The following RGL1 variants were observed in gnomAD, a reference collection of about 807,000 sequenced individuals.
RGL1 encodes ral guanine nucleotide dissociation stimulator like 1, also known as ral guanine nucleotide dissociation stimulator-like 1.
A neutral mutation model predicts 95.2 loss-of-function variants in RGL1; 24 were observed. That is an observed-to-expected ratio of 0.25 (90% CI 0.18 to 0.35). RGL1 has a LOEUF of 0.35. Among genes scored for constraint, RGL1 ranks in the 10% least tolerant of loss-of-function variants. The pLI is 1.00. For missense variants in RGL1, 715 were observed against 936.3 expected (o/e 0.76, Z 3.08); for synonymous variants, 329 against 344.9 (o/e 0.95, Z 0.51).
In RGL1 at chr1:183,834,830, A is replaced by G. The variant is rs79866452; in HGVS notation, c.139-12736A>G. 5.0e-3 allele frequency among the ~76,000 whole-genome samples: 765 copies of G among 152,170 alleles called. 17 individuals carry two copies. The East Asian group carries it at 0.07, about 14-fold the overall frequency. On this transcript the variant is annotated intron_variant, in intron 2 of 17. Coordinates refer to ENST00000360851, the MANE Select transcript of RGL1 (RefSeq NM_001297671.3). ...CAGCCTCCCAAGTAGCTAGGCACATATCACCACACCCAGGCTAATTTTCTA... is the reference window on the plus strand; with the variant it reads ...CAGCCTCCCAAGTAGCTAGGCACATGTCACCACACCCAGGCTAATTTTCTA...
chr1:183,660,298 G>T (rs1197654458), intron 1 of RGL1, among the ~76,000 whole-genome samples: 1 of 152,106 alleles, frequency 6.6e-6, no homozygotes, highest in Non-Finnish European at 1.5e-5. Flanking sequence ...TCAGTGTGCT[G>T]TATTCAGGAA....
Position 183,922,305 on chromosome 1 carries a change from C to T in RGL1, c.2088C>T (p.Tyr696=), listed in dbSNP as rs144638395. ...HNLDSDPAEE[Y]ELVQVISEDK... ...TGGACTCAGACCCCGCCGAGGAGTACGAGCTGGTGCAGGTCATCTCGGAGG... is the reference window on the plus strand; with the variant it reads ...TGGACTCAGACCCCGCCGAGGAGTATGAGCTGGTGCAGGTCATCTCGGAGG... Residue 696 remains tyrosine, a synonymous_variant, in exon 17 of 18, where the codon TAC becomes TAT. Coordinates refer to ENST00000360851, the MANE Select transcript of RGL1 (RefSeq NM_001297671.3). The T allele has an allele frequency of 1.3e-5, 21 of 1,613,984 alleles. No homozygotes were observed. The highest frequency in any genetic ancestry group is 3.3e-4 in the Middle Eastern group (2 of 6,062).
In RGL1 at chr1:183,805,162, G is replaced by A; in HGVS notation, c.-136G>A. ...CACCGGCGGCGGCGGGGGCAGCGCG[G>A]CGCGTGTCTGTGCGCTGCGGTCGCT... On this transcript the variant is annotated 5_prime_UTR_variant, in exon 1 of 18. Transcript: ENST00000360851. 8.5e-7 allele frequency: 1 copy of A among 1,182,512 alleles called. No individual in the cohort carries two copies. The highest frequency in any genetic ancestry group is 1.1e-6 in the Non-Finnish European group (1 of 909,780). 73.3% of individuals were successfully genotyped at this position (1,182,512 alleles called of 1,614,324 possible).
Position 183,656,385 on chromosome 1 carries a change from A to G in RGL1, c.-33+19884A>G, listed in dbSNP as rs139499144. ...GTTTAGCCTAAAGCTGCCTCCTTAC[A>G]TATTTTAAGTTCAGCCTAAAGGTTT... On this transcript the variant is annotated intron_variant, in intron 1 of 18. Transcript: ENST00000304685. Among the ~76,000 whole-genome samples the G allele has an allele frequency of 8.3e-3, 1,267 of 152,310 alleles. 15 individuals are homozygous for G. Among genetic ancestry groups the G allele is most frequent in the African/African-American group, 0.029 (1,207 of 41,554 alleles).
chr1:183,790,363 T>C (rs912613806), intron 2 of RGL1, among the ~76,000 whole-genome samples: 6 of 152,204 alleles, frequency 3.9e-5, no homozygotes, highest in Admixed American at 3.9e-4. Context: ...GCCAGTTTAA[T>C]TTCTTTTGGG....
At chr1:183,731,589 A>G (rs561886229) in intron 1 of RGL1, among the ~76,000 whole-genome samples, 1 of 152,326 alleles carries the variant, frequency 6.6e-6, no homozygotes, top group Non-Finnish European at 1.5e-5. Context: ...ACAAAGCCAA[A>G]TAGTAACATG....
chr1:183,701,127 CA>C lies in RGL1; in HGVS notation c.-32-40998del, dbSNP rs1654575090. Among the ~76,000 whole-genome samples, 4 of 152,200 alleles carry C rather than the reference CA, an allele frequency of 2.6e-5. No individual in the cohort carries two copies. The South Asian group carries it at 8.3e-4, about 32-fold the overall frequency. ...TGCAAGATTAAAGAATCTTTTGCAACAGATGGGGAAATTGAGATTTAGATTG... is the reference window on the plus strand; with the variant it reads ...TGCAAGATTAAAGAATCTTTTGCAACGATGGGGAAATTGAGATTTAGATTG... On this transcript the variant is annotated intron_variant, in intron 1 of 18. Coordinates refer to the RGL1 transcript ENST00000304685.
At chr1:183,659,881 G>T (rs1167048826) in intron 1 of RGL1, among the ~76,000 whole-genome samples, 2 of 149,924 alleles carry the variant, frequency 1.3e-5, no homozygotes, top group African/African-American at 5.1e-5. Flanking sequence ...CTAGAAGCCG[G>T]AAGAGAGTGG....
chr1:183,705,958 G>A (rs921355758), intron 1 of RGL1, among the ~76,000 whole-genome samples: 36 of 152,210 alleles, frequency 2.4e-4, no homozygotes, highest in Admixed American at 1.8e-3. Context: ...TAAGAGTAAC[G>A]TGGACAGGGG....
rs79840468 is a variant in RGL1, at chr1:183,637,226, T to C, written c.-33+725T>C. ...ACATAAATGTAAAATGCATGTTGCTTGTACCATTGGTTTTGGGACTAGTCT... is the reference window on the plus strand; with the variant it reads ...ACATAAATGTAAAATGCATGTTGCTCGTACCATTGGTTTTGGGACTAGTCT... On this transcript the variant is annotated intron_variant, in intron 1 of 18. Coordinates refer to the RGL1 transcript ENST00000304685. Among the ~76,000 whole-genome samples the C allele has an allele frequency of 8.5e-3, 1,294 of 152,352 alleles. 22 individuals are homozygous for C. The highest frequency in any genetic ancestry group is 0.029 in the African/African-American group (1,201 of 41,584).
At chr1:183,674,415 C>T (rs1170805814) in intron 1 of RGL1, among the ~76,000 whole-genome samples, 1 of 152,008 alleles carries the variant, frequency 6.6e-6, no homozygotes, top group Non-Finnish European at 1.5e-5. Flanking sequence ...CATGTATAGC[C>T]ATCTTCCTGT....
chr1:183,698,008 G>A (rs1455494738), intron 1 of RGL1, among the ~76,000 whole-genome samples: 1 of 152,178 alleles, frequency 6.6e-6, no homozygotes, highest in Non-Finnish European at 1.5e-5. Context: ...CTTGTCTGCT[G>A]CTGTCAGCTT....
chr1:183,690,333 GA>G (rs1653866337), intron 1 of RGL1, among the ~76,000 whole-genome samples: 1 of 152,172 alleles, frequency 6.6e-6, no homozygotes. Context: ...GAAAGAAGTA[GA>G]TGCAGATTTT....
intron 2 of RGL1, among the ~76,000 whole-genome samples, chr1:183,744,054 G>C (rs1195909271): frequency 1.3e-5 from 2 of 152,190 alleles, no homozygotes; most frequent in African/African-American, 4.8e-5. Context: ...AGGATGCAAA[G>C]CTGTGGGAGA....
At chr1:183,837,926 G>A (rs1266961252) in intron 2 of RGL1, among the ~76,000 whole-genome samples, 1 of 152,134 alleles carries the variant, frequency 6.6e-6, no homozygotes, top group East Asian at 1.9e-4. Context: ...TAATGTCGCC[G>A]CTGATCTGAC....
intron 1 of RGL1, among the ~76,000 whole-genome samples, chr1:183,657,200 G>A (rs548997143): frequency 2.8e-4 from 42 of 152,238 alleles, no homozygotes; most frequent in Middle Eastern, 6.8e-3. Context: ...ATGAATATGA[G>A]ACATCTTGAG....
rs1012921095 is a variant in RGL1 at position 183,926,450 on chromosome 1, G to A, written c.*158G>A. On this transcript the variant is annotated 3_prime_UTR_variant, in exon 18 of 18. Coordinates refer to ENST00000360851, the MANE Select transcript of RGL1 (RefSeq NM_001297671.3). ...TGTGCAAAGCATTATGATAGGCACC[G>A]TGGGGAAACTGGAAATGAATTTGAC... 1.8e-5 allele frequency: 9 copies of A among 498,300 alleles called. No homozygotes were observed. The highest frequency in any genetic ancestry group is 1.4e-4 in the East Asian group (4 of 28,626). The allele number at this position is 498,300 out of a possible 1,614,324, so 30.9% of individuals were successfully genotyped here. A position where few individuals can be genotyped will look rare whatever the true frequency, so the allele number is the denominator to read the frequency against.
chr1:183,774,882 T>C (rs916010295), intron 2 of RGL1, among the ~76,000 whole-genome samples: 1 of 152,044 alleles, frequency 6.6e-6, no homozygotes, highest in Non-Finnish European at 1.5e-5. Context: ...CCTACATTTG[T>C]TATTTCTGAG....
At chr1:183,842,077 A>G (rs1034874613) in intron 2 of RGL1, among the ~76,000 whole-genome samples, 1 of 152,174 alleles carries the variant, frequency 6.6e-6, no homozygotes, top group Non-Finnish European at 1.5e-5. Context: ...AAAAGGAAGC[A>G]TAAAACTTAC....
Sources: allele counts gnomAD v4.1 joint callset (sites outside exome capture counted in the v4.1 genomes callset), GRCh38; gene constraint gnomAD v4.1.1; transcripts MANE v1.5; gene names NCBI Gene and HGNC (gene_info 2026-07-23, HGNC 2026-07-21).